The following CTNNA3 variants were observed in gnomAD, a reference collection of about 807,000 sequenced individuals.
The protein encoded by CTNNA3 is catenin alpha-3.
Under a neutral mutation model 95.7 loss-of-function variants are expected in CTNNA3, and 76 were observed. That is an observed-to-expected ratio of 0.79 (90% CI 0.66 to 0.96). The LOEUF is 0.96. Ranked by LOEUF, CTNNA3 falls within the 40% of genes least tolerant of loss-of-function variation. The pLI is 0.00. For synonymous variants in CTNNA3, 431 were observed against 374.4 expected, an observed-to-expected ratio of 1.15 and a Z score of -1.74; for missense variants, 1,191 against 1,089.8, an observed-to-expected ratio of 1.09 and a Z score of -1.31.
rs112674006 is a variant in CTNNA3 at position 67,592,926 on chromosome 10, G to A, written c.292+13931C>T. On this transcript the variant is annotated intron_variant, in intron 3 of 17. Coordinates refer to ENST00000433211, the MANE Select transcript of CTNNA3 (RefSeq NM_013266.4). ...AATTATTTCATCACCCAGGTAGTAA[G>A]CACAGTACCTGGTAAGTAGTTATTC... 8.8e-3 allele frequency among the ~76,000 whole-genome samples: 1,337 copies of A among 152,268 alleles called. 24 individuals carry two copies. The highest frequency in any genetic ancestry group is 0.03 in the African/African-American group (1,251 of 41,558).
At chr10:66,435,980 C>A (rs565968035) in intron 11 of CTNNA3, among the ~76,000 whole-genome samples, 1 of 152,144 alleles carries the variant, frequency 6.6e-6, no homozygotes, top group South Asian at 2.1e-4. Flanking sequence ...TGTAGTTGTG[C>A]GGTTTTGAGT....
chr10:66,213,338 G>T (rs949974111), intron 13 of CTNNA3, among the ~76,000 whole-genome samples: 6 of 151,732 alleles, frequency 4.0e-5, no homozygotes, highest in Non-Finnish European at 8.8e-5. Context: ...TTCTTTATTT[G>T]CTTTGATACA....
chr10:66,348,836 G>T (rs1162108308), intron 12 of CTNNA3, among the ~76,000 whole-genome samples: 1 of 152,034 alleles, frequency 6.6e-6, no homozygotes, highest in Non-Finnish European at 1.5e-5. Context: ...ATTAGACCAT[G>T]TATTGGCTGC....
At position 67,382,188 on chromosome 10, in the gene CTNNA3, TATCTACTGA is replaced by T. The variant is rs767977131; in HGVS notation, c.579+139645_579+139653del. On this transcript the variant is annotated intron_variant, in intron 5 of 17. Coordinates refer to ENST00000433211, the MANE Select transcript of CTNNA3 (RefSeq NM_013266.4). ...GTCTCTCAAGTTTTCCAGGATGTTT[TATCTACTGA>T]ATTCTTGAAATGTCTACTAAGAACA... Among the ~76,000 whole-genome samples, 256 of 152,324 alleles carry T rather than the reference TATCTACTGA, an allele frequency of 1.7e-3. 1 individual carries two copies. Among genetic ancestry groups the T allele is most frequent in the Non-Finnish European group, 2.9e-3 (194 of 68,022 alleles).
intron 7 of CTNNA3, among the ~76,000 whole-genome samples, chr10:66,788,347 G>A (rs1021506086): frequency 4.6e-5 from 7 of 152,054 alleles, no homozygotes; most frequent in African/African-American, 9.7e-5. Context: ...AGTTCCAGGC[G>A]CCAGGGAGGA....
chr10:66,757,374 A>C (rs549325645), intron 9 of CTNNA3, among the ~76,000 whole-genome samples: 1 of 152,306 alleles, frequency 6.6e-6, no homozygotes, highest in South Asian at 2.1e-4. Context: ...TTGAGGATTA[A>C]GTAAGGAAGC....
chr10:66,678,849 G>C (rs901807317), intron 9 of CTNNA3, among the ~76,000 whole-genome samples: 1 of 152,012 alleles, frequency 6.6e-6, no homozygotes, highest in African/African-American at 2.4e-5. Context: ...GTGTGTGCAC[G>C]CAAGTGTGTC....
chr10:67,642,748 G>A (rs760074000), intron 2 of CTNNA3, among the ~76,000 whole-genome samples: 2 of 151,684 alleles, frequency 1.3e-5, no homozygotes, highest in East Asian at 1.9e-4. Context: ...ACTGATCATC[G>A]GAGAAATGCA....
At chr10:67,760,179 G>A (rs1380513970) in intron 1 of CTNNA3, among the ~76,000 whole-genome samples, 3 of 152,206 alleles carry the variant, frequency 2.0e-5, no homozygotes, top group African/African-American at 7.2e-5. Flanking sequence ...TACAATTAAG[G>A]TGTCAGTATC....
intron 9 of CTNNA3, among the ~76,000 whole-genome samples, chr10:66,664,519 T>G (rs1383059987): frequency 1.3e-5 from 2 of 152,044 alleles, no homozygotes; most frequent in Non-Finnish European, 2.9e-5. Flanking sequence ...GCTAGCCTAG[T>G]AGTTGTGAGC....
intron 7 of CTNNA3, among the ~76,000 whole-genome samples, chr10:67,111,592 A>G (rs1287632015): frequency 6.6e-6 from 1 of 152,176 alleles, no homozygotes; most frequent in East Asian, 1.9e-4. Flanking sequence ...TAAAAAAATT[A>G]AAATATATCA....
intron 5 of CTNNA3, among the ~76,000 whole-genome samples, chr10:67,502,248 G>A (rs1244990423): frequency 2.0e-5 from 3 of 152,158 alleles, no homozygotes; most frequent in Admixed American, 6.5e-5. Flanking sequence ...TGCTTCTGGT[G>A]TTTGCTGGGG....
At chr10:67,064,781 A>G (rs1181077714) in intron 7 of CTNNA3, among the ~76,000 whole-genome samples, 1 of 152,150 alleles carries the variant, frequency 6.6e-6, no homozygotes, top group Non-Finnish European at 1.5e-5. Context: ...CAGTAATTTC[A>G]ATCTCACTTT....
At chr10:66,543,993 T>C (rs2132085778) in intron 10 of CTNNA3, among the ~76,000 whole-genome samples, 1 of 87,044 alleles carries the variant, frequency 1.1e-5, no homozygotes, top group East Asian at 2.3e-4. Context: ...TTCTATCTCC[T>C]TTTGAGCTAA....
intron 5 of CTNNA3, among the ~76,000 whole-genome samples, chr10:67,452,391 A>G (rs1201990426): frequency 6.6e-6 from 1 of 152,230 alleles, no homozygotes; most frequent in African/African-American, 2.4e-5. Flanking sequence ...AGTTTATCTT[A>G]CTACAAAAGA....
chr10:66,135,497 C>G (rs544154876), intron 13 of CTNNA3, among the ~76,000 whole-genome samples: 2 of 151,642 alleles, frequency 1.3e-5, no homozygotes, highest in Admixed American at 1.3e-4. Context: ...GAAATTGAAA[C>G]AGCTTTTCTT....
chr10:66,743,650 C>T (rs964855991), intron 9 of CTNNA3, among the ~76,000 whole-genome samples: 2 of 151,998 alleles, frequency 1.3e-5, no homozygotes, highest in African/African-American at 4.8e-5. Flanking sequence ...AGGAAGAATG[C>T]ATTCAGAAAG....
chr10:66,839,601 T>C (rs1170239473), intron 7 of CTNNA3, among the ~76,000 whole-genome samples: 2 of 152,102 alleles, frequency 1.3e-5, no homozygotes, highest in Non-Finnish European at 2.9e-5. Context: ...AAATTATACA[T>C]AGACAACTCT....
intron 7 of CTNNA3, among the ~76,000 whole-genome samples, chr10:66,869,353 G>T (rs1844306594): frequency 6.6e-6 from 1 of 151,998 alleles, no homozygotes; most frequent in South Asian, 2.1e-4. Flanking sequence ...ACTTTGGGAG[G>T]CCGAGGCTCT....
Sources: allele counts gnomAD v4.1 joint callset (sites outside exome capture counted in the v4.1 genomes callset), GRCh38; gene constraint gnomAD v4.1.1; transcripts MANE v1.5; gene names NCBI Gene and HGNC (gene_info 2026-07-23, HGNC 2026-07-21).